Variants in DLGAP2 observed in about 807,000 individuals in gnomAD.
The protein encoded by DLGAP2 is DLG associated protein 2.
A neutral mutation model predicts 100.3 loss-of-function variants in DLGAP2; 26 were observed. That is an observed-to-expected ratio of 0.26 (90% CI 0.19 to 0.36). The LOEUF is 0.36. Ranked by LOEUF, DLGAP2 falls within the 10% of genes least tolerant of loss-of-function variation. DLGAP2 has a pLI of 1.00. For synonymous variants in DLGAP2, 886 were observed against 630.1 expected (o/e 1.41, Z -6.08); for missense variants, 1,858 against 1,453.2 (o/e 1.28, Z -4.53).
intron 2 of DLGAP2, among the ~76,000 whole-genome samples, chr8:1,147,920 C>T (rs955461437): frequency 5.3e-5 from 8 of 152,098 alleles, no homozygotes; most frequent in African/African-American, 9.7e-5. Context: ...TTTCTATTTA[C>T]GTTTACAACA....
chr8:1,570,109 C>A (rs1221189857), intron 6 of DLGAP2, among the ~76,000 whole-genome samples: 1 of 152,226 alleles, frequency 6.6e-6, no homozygotes, highest in Non-Finnish European at 1.5e-5. Flanking sequence ...TGAGTGTGGA[C>A]AAAATTCTCT....
intron 3 of DLGAP2, among the ~76,000 whole-genome samples, chr8:1,364,556 G>C (rs1038844758): frequency 1.3e-5 from 2 of 152,212 alleles, no homozygotes; most frequent in Non-Finnish European, 2.9e-5. Context: ...GGGCTGGCGG[G>C]AAGCGTCTCT....
At chr8:1,018,173 A>T (rs1801524792) in intron 2 of DLGAP2, among the ~76,000 whole-genome samples, 2 of 151,342 alleles carry the variant, frequency 1.3e-5, no homozygotes, top group South Asian at 2.1e-4. Context: ...ATTATCCTAG[A>T]CTCTCACATG....
chr8:1,332,594 C>T (rs1039710919), intron 3 of DLGAP2, among the ~76,000 whole-genome samples: 4 of 152,222 alleles, frequency 2.6e-5, no homozygotes, highest in African/African-American at 7.2e-5. Context: ...GGCTGTCACA[C>T]ATGCCCTGAG....
At chr8:1,256,460 CGTGTCCTCTCCTGCCTGGGTGCTGTGT>C (rs1563044957) in intron 2 of DLGAP2, among the ~76,000 whole-genome samples, 7 of 92,032 alleles carry the variant, frequency 7.6e-5, no homozygotes, top group Non-Finnish European at 1.2e-4. Context: ...AGGTGCTGTG[CGTGTCCTCTCCTGCCTGGGTGCTGTGT>C]GTGTGTCCTC....
intron 3 of DLGAP2, among the ~76,000 whole-genome samples, chr8:1,440,976 C>T (rs1337503252): frequency 2.6e-5 from 4 of 152,174 alleles, no homozygotes; most frequent in African/African-American, 4.8e-5. Context: ...ACATGAAACC[C>T]TCCCAGCACG....
intron 3 of DLGAP2, among the ~76,000 whole-genome samples, chr8:1,303,402 C>CAAAAAAAAAAAA (rs374350701): frequency 6.4e-5 from 8 of 125,332 alleles, no homozygotes; most frequent in Non-Finnish European, 1.2e-4. Flanking sequence ...GTCTCAAAAA[C>CAAAAAAAAAAAA]AAAAAAAAAA....
rs1432086919 is a variant in DLGAP2, at chr8:1,238,057, C to T, written c.74-20794C>T. 2.2e-3 allele frequency among the ~76,000 whole-genome samples: 13 copies of T among 5,896 alleles called. 5 individuals are homozygous for T. Among genetic ancestry groups the T allele is most frequent in the East Asian group, 0.018 (13 of 716 alleles). 3.9% of individuals were successfully genotyped at this position (5,896 alleles called of 152,430 possible). A position where few individuals can be genotyped will look rare whatever the true frequency, so the allele number is the denominator to read the frequency against. Reference sequence around the variant, plus strand: ...TGTCTAGTTCTCTGCCACATGGCGCCGTGTCTAGTTCTCTCACATGGCGCC... The same window carrying T: ...TGTCTAGTTCTCTGCCACATGGCGCTGTGTCTAGTTCTCTCACATGGCGCC... On this transcript the variant is annotated intron_variant, in intron 2 of 14. Transcript: ENST00000637795.
At chr8:1,325,045 A>T (rs78462491) in intron 3 of DLGAP2, among the ~76,000 whole-genome samples, 3,296 of 152,218 alleles carry the variant, frequency 0.022, 79 homozygotes, top group Admixed American at 0.072. Flanking sequence ...AGACCTCTCA[A>T]CCTGAACCGA....
At chr8:870,871 C>T (rs1030128165) in intron 1 of DLGAP2, among the ~76,000 whole-genome samples, 4 of 152,256 alleles carry the variant, frequency 2.6e-5, no homozygotes, top group Admixed American at 6.5e-5. Flanking sequence ...GGACAGAACT[C>T]GGGAATCTGA....
At chr8:784,338 C>G (rs7829711) in intron 1 of DLGAP2, among the ~76,000 whole-genome samples, 14,524 of 152,190 alleles carry the variant, frequency 0.095, 887 homozygotes, top group Non-Finnish European at 0.13. Flanking sequence ...TATGCATACA[C>G]ATGAAATGTG....
chr8:1,674,668 C>T (rs1172031136), intron 10 of DLGAP2, among the ~76,000 whole-genome samples: 3 of 152,192 alleles, frequency 2.0e-5, no homozygotes, highest in Non-Finnish European at 4.4e-5. Context: ...AGTGCAAATA[C>T]CTCTGACCCA....
Position 1,691,621 on chromosome 8 carries a change from A to G in DLGAP2, c.2791A>G (p.Asn931Asp). The change falls in exon 13 of 15, where the codon AAT becomes GAT. Residue 931 changes from asparagine (N) to aspartate (D), a missense_variant. Asn to Asp is a conservative substitution (Grantham distance 23, BLOSUM62 1). Transcript: ENST00000637795. ...GCAGTTTTATTGGCTTTGCCAACAG[A>G]ATATGGTAAGTGAATCCTCAGTGAA... The part of the protein sequence containing the change: ...FQQFYWLCQQ[N>D]MDPSAMPRPT... 1 of 1,613,620 alleles carries G rather than the reference A, an allele frequency of 6.2e-7. No homozygotes were observed. Among genetic ancestry groups the G allele is most frequent in the Non-Finnish European group, 8.5e-7 (1 of 1,179,692 alleles).
intron 2 of DLGAP2, among the ~76,000 whole-genome samples, chr8:1,010,603 A>C (rs1396799601): frequency 1.3e-5 from 2 of 152,232 alleles, no homozygotes; most frequent in African/African-American, 2.4e-5. Flanking sequence ...TTACGACATC[A>C]AATGGAGCTT....
chr8:1,274,384 C>G (rs1202452576), intron 3 of DLGAP2, among the ~76,000 whole-genome samples: 2 of 151,888 alleles, frequency 1.3e-5, no homozygotes, highest in Non-Finnish European at 2.9e-5. Flanking sequence ...AATAAGCCAA[C>G]ATGTATAAGA....
intron 2 of DLGAP2, among the ~76,000 whole-genome samples, chr8:1,245,774 A>C (rs1448329344): frequency 6.6e-6 from 1 of 152,188 alleles, no homozygotes; most frequent in Non-Finnish European, 1.5e-5. Flanking sequence ...ACTTTTAAAA[A>C]AGCAATGAAG....
intron 2 of DLGAP2, among the ~76,000 whole-genome samples, chr8:1,051,187 C>T (rs928975156): frequency 1.3e-5 from 2 of 152,070 alleles, no homozygotes; most frequent in African/African-American, 4.8e-5. Context: ...ATTGTCAGCA[C>T]CACCTCGAAG....
At position 1,228,249 on chromosome 8, in the gene DLGAP2, A is replaced by G. The variant is rs1056733006; in HGVS notation, c.74-30602A>G. On this transcript the variant is annotated intron_variant, in intron 2 of 14. Coordinates refer to ENST00000637795, the MANE Select transcript of DLGAP2 (RefSeq NM_001346810.2). ...TAATAAAATAAAAATAAAAAAATAC[A>G]TAAATAAAACTTTAAAAAAAGGAAA... Among the ~76,000 whole-genome samples the G allele has an allele frequency of 2.6e-5, 4 of 152,208 alleles. No individual in the cohort carries two copies. The East Asian group carries it at 7.7e-4, about 29-fold the overall frequency.
intron 1 of DLGAP2, among the ~76,000 whole-genome samples, chr8:752,387 T>A (rs1231807368): frequency 6.6e-6 from 1 of 152,116 alleles, no homozygotes; most frequent in Non-Finnish European, 1.5e-5. Flanking sequence ...CACCCATGGA[T>A]TAAAGGGCAG....
Sources: gnomAD v4.1 joint callset for allele counts (sites outside exome capture counted in the v4.1 genomes callset) on GRCh38, gnomAD v4.1.1 for gene constraint, MANE v1.5 for transcripts, NCBI Gene and HGNC (gene_info 2026-07-23, HGNC 2026-07-21) for gene names.